RGSL1: variants seen among roughly 807,000 people sequenced by gnomAD.
The protein encoded by RGSL1 is regulator of G protein signaling like 1, also known as regulator of G protein signaling protein-like.
A neutral mutation model predicts 124.7 loss-of-function variants in RGSL1; 97 were observed. The observed-to-expected ratio is 0.78, with a 90% CI of 0.66 to 0.92. The LOEUF (loss-of-function observed/expected upper bound fraction) is 0.92. RGSL1 is among the 40% of genes least tolerant of loss of function. The pLI, the probability that RGSL1 is intolerant of heterozygous loss-of-function variation, is 0.00. For missense variants in RGSL1, 1,233 were observed against 1,288.4 expected, an observed-to-expected ratio of 0.96 and a Z score of 0.66; for synonymous variants, 424 against 438.1, an observed-to-expected ratio of 0.97 and a Z score of 0.40.
rs370125386 is a variant in RGSL1 at position 182,541,767 on chromosome 1, A to T, written c.2669+1346A>T. ...ATTCCCTGTCTTTTTGATAATAGCG[A>T]CTTTAACTAGGGTAAGATGATATCT... On this transcript the variant is annotated intron_variant, in intron 15 of 21. Transcript: ENST00000294854. 5.3e-5 allele frequency among the ~76,000 whole-genome samples: 8 copies of T among 152,096 alleles called. No homozygotes were observed. The East Asian group carries it at 1.5e-3, about 29-fold the overall frequency.
intron 9 of RGSL1, among the ~76,000 whole-genome samples, chr1:182,509,865 G>A (rs1384606004): frequency 5.3e-4 from 74 of 138,616 alleles, no homozygotes; most frequent in African/African-American, 2.0e-3. Flanking sequence ...GGGCGGAGAC[G>A]CTCCTCACTT....
At chr1:182,518,152 G>A (rs1333126298) in intron 9 of RGSL1, among the ~76,000 whole-genome samples, 1 of 152,176 alleles carries the variant, frequency 6.6e-6, no homozygotes, top group Non-Finnish European at 1.5e-5. Flanking sequence ...TGATCCTCCT[G>A]CCTCTGCCTC....
At chr1:182,457,333 C>T (rs1000031543) in intron 2 of RGSL1, among the ~76,000 whole-genome samples, 1 of 152,256 alleles carries the variant, frequency 6.6e-6, no homozygotes, top group Non-Finnish European at 1.5e-5. Context: ...CCCACATAAT[C>T]TCATAACTTC....
At chr1:182,552,317 T>C (rs977068208) in intron 18 of RGSL1, among the ~76,000 whole-genome samples, 1 of 152,092 alleles carries the variant, frequency 6.6e-6, no homozygotes, top group Non-Finnish European at 1.5e-5. Context: ...GGTTTCACCA[T>C]GTTAGCCAGG....
intron 2 of RGSL1, among the ~76,000 whole-genome samples, chr1:182,455,309 C>T (rs1022951008): frequency 1.8e-4 from 27 of 152,220 alleles, no homozygotes; most frequent in Middle Eastern, 3.4e-3. Context: ...AGGCGGGGCA[C>T]GGTGGCTCAT....
chr1:182,481,043 A>G (rs1320710895), intron 6 of RGSL1, among the ~76,000 whole-genome samples: 1 of 152,194 alleles, frequency 6.6e-6, no homozygotes, highest in Non-Finnish European at 1.5e-5. Context: ...TACACCTCAC[A>G]GAACCAGAAA....
Position 182,554,679 on chromosome 1 carries a change from G to T in RGSL1, c.3183G>T (p.Leu1061=). The change falls in exon 20 of 22, where the codon CTG becomes CTT. Residue 1061 remains leucine (L), a synonymous_variant. Transcript: ENST00000294854. ...QPRLVVSAMQ[L]HPVQGQKLSY... ...GACTCGTGGTATCTGCCATGCAGCT[G>T]CATCCCGTCCAGGGGTAGGCATGAG... The T allele has an allele frequency of 6.4e-7, 1 of 1,551,650 alleles. No homozygotes were observed.
upstream of RGSL1, among the ~76,000 whole-genome samples, chr1:182,449,503 T>C (rs1651661420): frequency 6.6e-6 from 1 of 152,232 alleles, no homozygotes; most frequent in African/African-American, 2.4e-5. Context: ...ATAGGGCTTT[T>C]GGTCTCTCAT....
At chr1:182,535,425 T>A (rs1009243254) in intron 14 of RGSL1, among the ~76,000 whole-genome samples, 6 of 152,152 alleles carry the variant, frequency 3.9e-5, no homozygotes, top group Admixed American at 6.6e-5. Context: ...GTTTTACAGC[T>A]TCCCTCCTCT....
Position 182,517,257 on chromosome 1 carries a change from T to C in RGSL1, c.1826-4747T>C, listed in dbSNP as rs1339267137. 1.0e-4 allele frequency among the ~76,000 whole-genome samples: 15 copies of C among 150,170 alleles called. No homozygotes were observed. The East Asian group carries it at 2.5e-3, about 25-fold the overall frequency. ...CTAGATGAACTGGAGGTCCTTTATATGCTATTAGCCTCTTTTCTATTTCTG... is the reference window on the plus strand; with the variant it reads ...CTAGATGAACTGGAGGTCCTTTATACGCTATTAGCCTCTTTTCTATTTCTG... On this transcript the variant is annotated intron_variant, in intron 9 of 21. Transcript: ENST00000294854.
Position 182,488,977 on chromosome 1 carries a change from T to C in RGSL1, c.1495-3T>C, listed in dbSNP as rs756563733. 5 of 1,549,398 alleles carry C rather than the reference T, an allele frequency of 3.2e-6. No individual in the cohort carries two copies. Among genetic ancestry groups the C allele is most frequent in the African/African-American group, 1.4e-5 (1 of 73,062 alleles). ...CCATCTTCCCCTCACCCTCTTCTCT[T>C]AGACACAGAACAGGTTCATCAGCTC... On this transcript the variant is annotated splice_polypyrimidine_tract_variant and splice_region_variant and intron_variant, in intron 7 of 21. Coordinates refer to ENST00000294854, the MANE Select transcript of RGSL1 (RefSeq NM_001137669.2).
intron 15 of RGSL1, among the ~76,000 whole-genome samples, chr1:182,548,084 A>G (rs1660328721): frequency 6.6e-6 from 1 of 152,142 alleles, no homozygotes; most frequent in East Asian, 1.9e-4. Context: ...GGGATAAACA[A>G]GGGGGTTTGT....
chr1:182,473,531 T>C, intron 5 of RGSL1, 44 bp from the exon 6 acceptor site: 4 of 1,478,666 alleles, frequency 2.7e-6, no homozygotes, highest in Non-Finnish European at 3.6e-6. Flanking sequence ...ATCACTGCCA[T>C]CATCCCATCA....
At chr1:182,502,716 C>T (rs1467344013) in intron 9 of RGSL1, among the ~76,000 whole-genome samples, 1 of 152,142 alleles carries the variant, frequency 6.6e-6, no homozygotes, top group African/African-American at 2.4e-5. Flanking sequence ...TTCACTGCAT[C>T]CCATAGGTTT....
intron 4 of RGSL1, among the ~76,000 whole-genome samples, chr1:182,461,035 C>A (rs1275189586): frequency 6.6e-6 from 1 of 152,152 alleles, no homozygotes; most frequent in Non-Finnish European, 1.5e-5. Flanking sequence ...CGTGGGCACA[C>A]ATTGTTATAC....
intron 4 of RGSL1, among the ~76,000 whole-genome samples, chr1:182,468,275 T>C (rs171981): frequency 0.086 from 13,060 of 152,218 alleles, 759 homozygotes; most frequent in East Asian, 0.26. Context: ...GGGTACATAC[T>C]GAAAGGATTA....
rs1387482796 is a variant in RGSL1, at chr1:182,553,547, T to C, written c.3130+6T>C. ...AATAAGTTCAGTTCAAAATTGTGAG[T>C]TGGAATTGGATCCCCACTGATAGTT... On this transcript the variant is annotated splice_donor_region_variant and intron_variant, in intron 19 of 21. Transcript: ENST00000294854. The C allele has an allele frequency of 1.3e-6, 2 of 1,551,306 alleles. No individual in the cohort carries two copies. Among genetic ancestry groups the C allele is most frequent in the Admixed American group, 2.0e-5 (1 of 50,972 alleles).
intron 2 of RGSL1, 56 bp from the exon 3 acceptor site, chr1:182,458,263 C>A (rs1652513533): frequency 7.6e-7 from 1 of 1,310,168 alleles, no homozygotes; most frequent in Non-Finnish European, 1.1e-6. Flanking sequence ...GGGACTGTGT[C>A]ATATACATGA....
intron 4 of RGSL1, among the ~76,000 whole-genome samples, chr1:182,464,275 T>C (rs1231863233): frequency 6.6e-6 from 1 of 152,152 alleles, no homozygotes; most frequent in Non-Finnish European, 1.5e-5. Context: ...CTTAAGGCTC[T>C]AGAAAAAGAA....
Sources: allele counts gnomAD v4.1 joint callset (sites outside exome capture counted in the v4.1 genomes callset), GRCh38; gene constraint gnomAD v4.1.1; transcripts MANE v1.5; gene names NCBI Gene and HGNC (gene_info 2026-07-23, HGNC 2026-07-21).